Variants in GLIS3 observed in about 807,000 individuals in gnomAD.
GLIS3 encodes the protein GLIS family zinc finger 3.
GLIS3 carries 53 observed loss-of-function variants against 78.6 expected under a neutral mutation model. The observed-to-expected ratio is 0.67, with a 90% CI of 0.54 to 0.85. GLIS3 has a LOEUF of 0.85. GLIS3 is among the 40% of genes least tolerant of loss of function. The pLI, the probability that GLIS3 is intolerant of heterozygous loss-of-function variation, is 0.00. For synonymous variants in GLIS3, 684 were observed against 509.9 expected, an observed-to-expected ratio of 1.34 and a Z score of -4.60; for missense variants, 1,703 against 1,231.1, an observed-to-expected ratio of 1.38 and a Z score of -5.74.
the GLIS3 span, among the ~76,000 whole-genome samples, chr9:4,395,854 A>G: frequency 2.0e-5 from 3 of 151,104 alleles, no homozygotes; most frequent in South Asian, 2.1e-4. Flanking sequence ...GCTCACTGCA[A>G]CCTTCGACTC....
rs1302903382 is a variant in GLIS3 at position 4,079,956 on chromosome 9, G to C, written c.1710+37812C>G. Among the ~76,000 whole-genome samples, 4 of 152,074 alleles carry C rather than the reference G, an allele frequency of 2.6e-5. No homozygotes were observed. In the East Asian group the frequency reaches 5.8e-4, roughly 22 times the overall value. ...ATTTAACAGACACTTGTTGAAAAAA[G>C]AAAGGATACTCTGAATACTCTCCTC... On this transcript the variant is annotated intron_variant, in intron 4 of 10. Coordinates refer to ENST00000381971, the MANE Select transcript of GLIS3 (RefSeq NM_001042413.2).
chr9:4,407,419 G>C, the GLIS3 span, among the ~76,000 whole-genome samples: 2 of 152,374 alleles, frequency 1.3e-5, no homozygotes, highest in South Asian at 2.1e-4. Flanking sequence ...GCCGAGGCAG[G>C]TGGATCACGA....
At chr9:4,050,366 A>G (rs1474651497) in intron 4 of GLIS3, among the ~76,000 whole-genome samples, 2 of 152,100 alleles carry the variant, frequency 1.3e-5, no homozygotes, top group East Asian at 1.9e-4. Context: ...CAAACACCGC[A>G]TGTTCTCACT....
chr9:4,287,097 C>T (rs1209745730), intron 1 of GLIS3, among the ~76,000 whole-genome samples: 2 of 152,164 alleles, frequency 1.3e-5, no homozygotes, highest in East Asian at 1.9e-4. Context: ...TCCACATATT[C>T]ATATATTCAA....
At chr9:4,195,394 G>A (rs1041666649) in intron 2 of GLIS3, among the ~76,000 whole-genome samples, 1 of 152,230 alleles carries the variant, frequency 6.6e-6, no homozygotes, top group Non-Finnish European at 1.5e-5. Flanking sequence ...CACTCGGAGA[G>A]GCCAGCCGGT....
At position 4,114,460 on chromosome 9, in the gene GLIS3, G is replaced by A. The variant is rs185997157; in HGVS notation, c.1710+3308C>T. On this transcript the variant is annotated intron_variant, in intron 4 of 10. Transcript: ENST00000381971. ...GACTCCATGACTTGTTCTGACCTGT[G>A]ACCTTACCATCTCAGAAAAACTTAA... 2.0e-3 allele frequency among the ~76,000 whole-genome samples: 306 copies of A among 152,218 alleles called. 1 individual carries two copies. The highest frequency in any genetic ancestry group is 6.5e-3 in the African/African-American group (268 of 41,530).
At chr9:4,157,385 C>T (rs981200097) in intron 2 of GLIS3, among the ~76,000 whole-genome samples, 5 of 152,098 alleles carry the variant, frequency 3.3e-5, no homozygotes, top group African/African-American at 1.2e-4. Flanking sequence ...CACGATTTTG[C>T]ATGTAGTTGA....
At chr9:4,323,015 G>C (rs193159559) in intron 2 of GLIS3, among the ~76,000 whole-genome samples, 402 of 152,196 alleles carry the variant, frequency 2.6e-3, no homozygotes, top group African/African-American at 9.4e-3. Flanking sequence ...GTATTGCCTA[G>C]GTTTTCTTCT....
the GLIS3 span, among the ~76,000 whole-genome samples, chr9:4,413,296 C>A: frequency 8.9e-3 from 1,356 of 152,294 alleles, 8 homozygotes; most frequent in South Asian, 0.015. Context: ...TAGTGCCTAG[C>A]ACATTAAATC....
At chr9:4,063,770 AGGT>A (rs1198575450) in intron 4 of GLIS3, among the ~76,000 whole-genome samples, 1 of 152,196 alleles carries the variant, frequency 6.6e-6, no homozygotes, top group Non-Finnish European at 1.5e-5. Context: ...AGAGTTCAGT[AGGT>A]TGGTCAGACA....
At chr9:4,430,758 T>C in the GLIS3 span, among the ~76,000 whole-genome samples, 2 of 151,982 alleles carry the variant, frequency 1.3e-5, no homozygotes, top group African/African-American at 4.8e-5. Context: ...AAAAATACAA[T>C]CCAAAGATAA....
intron 4 of GLIS3, among the ~76,000 whole-genome samples, chr9:4,037,970 T>C (rs574954120): frequency 3.3e-5 from 5 of 152,142 alleles, no homozygotes; most frequent in African/African-American, 1.2e-4. Context: ...AAAAAATCAC[T>C]TCATTGGATA....
intron 4 of GLIS3, among the ~76,000 whole-genome samples, chr9:4,024,035 C>A (rs567694373): frequency 0.02 from 2,872 of 144,004 alleles, 110 homozygotes; most frequent in African/African-American, 0.067. Context: ...CAAAAAAAAA[C>A]AAAAAAAAAA....
chr9:3,941,694 T>A (rs1433122703), intron 4 of GLIS3, among the ~76,000 whole-genome samples: 2 of 152,216 alleles, frequency 1.3e-5, no homozygotes, highest in Non-Finnish European at 2.9e-5. Flanking sequence ...TGATAGAACT[T>A]ACACTCATGG....
intron 1 of GLIS3, among the ~76,000 whole-genome samples, chr9:4,293,183 T>G (rs774105096): frequency 3.9e-5 from 6 of 152,224 alleles, no homozygotes; most frequent in Non-Finnish European, 7.3e-5. Context: ...TCCATATGAC[T>G]AAGTATTTGC....
chr9:4,017,175 G>C (rs769655848), intron 4 of GLIS3, among the ~76,000 whole-genome samples: 7 of 152,132 alleles, frequency 4.6e-5, no homozygotes, highest in South Asian at 2.1e-4. Flanking sequence ...TCTTACTACA[G>C]ACTGGCTTTG....
chr9:4,251,864 G>A (rs199665546), intron 2 of GLIS3, among the ~76,000 whole-genome samples: 3 of 152,152 alleles, frequency 2.0e-5, no homozygotes, highest in East Asian at 1.9e-4. Context: ...TCACTTAAGA[G>A]GCTTAGTTTG....
rs541183024 is a variant in GLIS3 at position 4,339,104 on chromosome 9, T to C, written n.264+7977A>G. Among the ~76,000 whole-genome samples, 5 of 152,314 alleles carry C rather than the reference T, an allele frequency of 3.3e-5. No homozygotes were observed. In the East Asian group the frequency reaches 9.6e-4, roughly 29 times the overall value. On this transcript the variant is annotated intron_variant and non_coding_transcript_variant, in intron 2 of 4. Transcript: ENST00000471664. ...CTGTCCATACAACACTACCTCGATATGTTTGGGAGGATAAACTCAACACCT... is the reference window on the plus strand; with the variant it reads ...CTGTCCATACAACACTACCTCGATACGTTTGGGAGGATAAACTCAACACCT...
chr9:4,220,202 T>G (rs887334203), intron 2 of GLIS3, among the ~76,000 whole-genome samples: 8 of 152,200 alleles, frequency 5.3e-5, no homozygotes, highest in African/African-American at 1.9e-4. Context: ...TATAAATAAA[T>G]AATCTTTCTA....
Sources: gnomAD v4.1 joint callset for allele counts (sites outside exome capture counted in the v4.1 genomes callset) on GRCh38, gnomAD v4.1.1 for gene constraint, MANE v1.5 for transcripts, NCBI Gene and HGNC (gene_info 2026-07-23, HGNC 2026-07-21) for gene names.